The following SLC47A1 variants were observed in gnomAD, a reference collection of about 807,000 sequenced individuals.
SLC47A1 encodes the protein multidrug and toxin extrusion protein 1.
SLC47A1 carries 58 observed loss-of-function variants against 65.8 expected under a neutral mutation model. That is an observed-to-expected ratio of 0.88 (90% CI 0.71 to 1.10). SLC47A1 has a LOEUF of 1.10. Ranked by LOEUF, SLC47A1 falls within the 50% of genes least tolerant of loss-of-function variation. SLC47A1 has a pLI of 0.00. For missense variants in SLC47A1, 706 were observed against 719.2 expected (o/e 0.98, Z 0.21); for synonymous variants, 285 against 295.0 (o/e 0.97, Z 0.35).
At chr17:19,572,565 TCTCTC>T (rs1337533035) in intron 15 of SLC47A1, among the ~76,000 whole-genome samples, 14 of 152,048 alleles carry the variant, frequency 9.2e-5, no homozygotes, top group Non-Finnish European at 1.8e-4. Context: ...CAAGCAATCC[TCTCTC>T]CTCAGCCCCC....
At chr17:19,566,923 T>G (rs1423248738) in intron 13 of SLC47A1, 64 bp downstream of exon 13, 11 of 1,596,728 alleles carry the variant, frequency 6.9e-6, no homozygotes, top group Non-Finnish European at 9.4e-6. Flanking sequence ...AAATTTCAGC[T>G]GAGAGGAGGG....
chr17:19,578,585 G>T lies in SLC47A1; in HGVS notation c.*1032G>T, dbSNP rs1054511709. On this transcript the variant is annotated 3_prime_UTR_variant, in exon 17 of 17. Coordinates refer to ENST00000270570, the MANE Select transcript of SLC47A1 (RefSeq NM_018242.3). ...GGGTGCGGTACACACCGTTAATTCA[G>T]CAACCCTCAGTACATACTAAGTATG... The T allele has an allele frequency of 1.3e-5, 2 of 155,002 alleles. No individual in the cohort carries two copies. The highest frequency in any genetic ancestry group is 2.9e-5 in the Non-Finnish European group (2 of 69,988). 9.6% of individuals were successfully genotyped at this position (155,002 alleles called of 1,614,324 possible). A position where few individuals can be genotyped will look rare whatever the true frequency, so the allele number is the denominator to read the frequency against.
rs1049345182 is a variant in SLC47A1, at chr17:19,546,488, C to T, written c.291C>T (p.Asp97=). The T allele has an allele frequency of 6.2e-7, 1 of 1,613,640 alleles. No individual in the cohort carries two copies. The highest frequency in any genetic ancestry group is 1.3e-5 in the African/African-American group (1 of 74,870). The part of the protein sequence containing the change: ...SVGFGLSSAC[D]TLISQTYGSQ... Reference sequence around the variant, plus strand: ...GATTCGGCTTATCTTCTGCCTGTGACACCCTCATCTCCCAGGTAAATGGAA... The same window carrying T: ...GATTCGGCTTATCTTCTGCCTGTGATACCCTCATCTCCCAGGTAAATGGAA... The change falls in exon 3 of 17, where the codon GAC becomes GAT. Residue 97 remains aspartate (D), a synonymous_variant. Coordinates refer to ENST00000270570, the MANE Select transcript of SLC47A1 (RefSeq NM_018242.3).
intron 2 of SLC47A1, among the ~76,000 whole-genome samples, chr17:19,546,112 C>T (rs1380606615): frequency 1.3e-5 from 2 of 151,966 alleles, no homozygotes; most frequent in East Asian, 3.9e-4. Flanking sequence ...CCCAGCTACT[C>T]GGGAGGCTGA....
Position 19,555,804 on chromosome 17 carries a change from C to G in SLC47A1, c.748C>G (p.Leu250Val), listed in dbSNP as rs754220258. ...GTGTGTCCCCCCCACAGGCTGGTCC[C>G]TCGAGTGCCTGCAGGACTGGGCCTC... Reference protein sequence around the residue: ...LHQATWGGWSLECLQDWASFL... With the variant: ...LHQATWGGWSVECLQDWASFL... The change falls in exon 9 of 17, where the codon CTC becomes GTC. Residue 250 changes from leucine (L) to valine (V), a missense_variant. Leu to Val is a conservative substitution (Grantham distance 32). Transcript: ENST00000270570. The G allele has an allele frequency of 6.2e-7, 1 of 1,613,606 alleles. No individual in the cohort carries two copies. The highest frequency in any genetic ancestry group is 8.5e-7 in the Non-Finnish European group (1 of 1,180,026).
chr17:19,574,143 G>T (rs1482429716), intron 16 of SLC47A1, among the ~76,000 whole-genome samples: 1 of 151,468 alleles, frequency 6.6e-6, no homozygotes, highest in African/African-American at 2.4e-5. Context: ...GGCTGGTCTC[G>T]AACTCCTGAC....
chr17:19,572,537 GC>G (rs1404485801), intron 15 of SLC47A1, among the ~76,000 whole-genome samples: 1 of 151,986 alleles, frequency 6.6e-6, no homozygotes, highest in African/African-American at 2.4e-5. Flanking sequence ...GCGCAGGCTG[GC>G]CTTGAATTCC....
intron 13 of SLC47A1, 103 bp from the exon 14 acceptor site, chr17:19,566,993 A>G (rs1409985948): frequency 1.3e-6 from 2 of 1,595,676 alleles, no homozygotes; most frequent in Non-Finnish European, 1.7e-6. Context: ...GGATACTGTC[A>G]CCTTACCATG....
At position 19,577,492 on chromosome 17, in the gene SLC47A1, T is replaced by C. The variant is rs1567580281; in HGVS notation, c.1652T>C (p.Leu551Pro). The part of the protein sequence containing the change: ...QLVLRRGLLL[L>P]GVFLILLVGI... ...GTGCTGCGGCGAGGGCTTCTGCTCCTGGGGGTCTTCTTAATCTTGCTGGTG... is the reference window on the plus strand; with the variant it reads ...GTGCTGCGGCGAGGGCTTCTGCTCCCGGGGGTCTTCTTAATCTTGCTGGTG... The change falls in exon 17 of 17, where the codon CTG becomes CCG. Residue 551 changes from leucine (L) to proline (P), a missense_variant. Leu to Pro is a moderately conservative substitution (Grantham distance 98, BLOSUM62 -3). Transcript: ENST00000270570. 2 of 1,614,170 alleles carry C rather than the reference T, an allele frequency of 1.2e-6. No homozygotes were observed. The highest frequency in any genetic ancestry group is 1.7e-5 in the Admixed American group (1 of 60,026).
intron 14 of SLC47A1, among the ~76,000 whole-genome samples, chr17:19,570,089 G>A (rs2084388115): frequency 6.6e-6 from 1 of 152,134 alleles, no homozygotes; most frequent in Non-Finnish European, 1.5e-5. Context: ...TCCAGCCTGG[G>A]CAACAGAGCA....
chr17:19,575,401 CTTTT>C (rs1215041320), intron 16 of SLC47A1, among the ~76,000 whole-genome samples: 1 of 137,164 alleles, frequency 7.3e-6, no homozygotes, highest in African/African-American at 2.7e-5. Flanking sequence ...ATTATTATTC[CTTTT>C]TTTTTTTTTT....
At chr17:19,553,817 C>T (rs1045638232) in intron 6 of SLC47A1, among the ~76,000 whole-genome samples, 5 of 152,218 alleles carry the variant, frequency 3.3e-5, no homozygotes, top group African/African-American at 1.2e-4. Flanking sequence ...GCTGGGATTA[C>T]AGGCGTGACC....
In SLC47A1 at chr17:19,560,462, G is replaced by T. The variant is rs1443468259; in HGVS notation, c.1075G>T (p.Asp359Tyr). Residue 359 changes from aspartate to tyrosine, a missense_variant, in exon 12 of 17, where the codon GAT becomes TAT. By Grantham distance (160) the Asp-to-Tyr change is radical (BLOSUM62 -3). Transcript: ENST00000270570. ...AFSVLLLSCKDHVGYIFTTDR... is the reference protein window; with the variant it reads ...AFSVLLLSCKYHVGYIFTTDR... ...CAGTGTCCTGCTGTTAAGCTGTAAGGATCACGTGGGGTACATTTTTACTAC... is the reference window on the plus strand; with the variant it reads ...CAGTGTCCTGCTGTTAAGCTGTAAGTATCACGTGGGGTACATTTTTACTAC... The T allele has an allele frequency of 2.1e-5, 34 of 1,614,060 alleles. No homozygotes were observed. The highest frequency in any genetic ancestry group is 2.5e-5 in the Non-Finnish European group (30 of 1,180,052).
At chr17:19,572,893 G>T (rs778646024) in intron 16 of SLC47A1, 32 bp downstream of exon 16, 22 of 1,598,786 alleles carry the variant, frequency 1.4e-5, no homozygotes, top group Middle Eastern at 1.7e-4. Flanking sequence ...CCTTGGACAG[G>T]CCTGTCTAGG....
chr17:19,553,807 G>A (rs913184814), intron 6 of SLC47A1, among the ~76,000 whole-genome samples: 1 of 152,186 alleles, frequency 6.6e-6, no homozygotes, highest in South Asian at 2.1e-4. Flanking sequence ...CTCCCAAAGT[G>A]CTGGGATTAC....
At chr17:19,550,043 C>G (rs536299437) in intron 5 of SLC47A1, among the ~76,000 whole-genome samples, 6 of 152,348 alleles carry the variant, frequency 3.9e-5, no homozygotes, top group Admixed American at 3.3e-4. Flanking sequence ...TTTGACCACA[C>G]AGAACCTTAA....
intron 10 of SLC47A1, among the ~76,000 whole-genome samples, chr17:19,558,804 T>C (rs554901397): frequency 6.6e-6 from 1 of 152,306 alleles, no homozygotes; most frequent in South Asian, 2.1e-4. Flanking sequence ...GTCAAGTTAC[T>C]ACCTTTCCCT....
At chr17:19,552,339 G>A (rs186948921) in intron 6 of SLC47A1, among the ~76,000 whole-genome samples, 151 of 152,272 alleles carry the variant, frequency 9.9e-4, no homozygotes, top group Admixed American at 1.8e-3. Flanking sequence ...CACTGCATCC[G>A]GCCAGGATAT....
intron 7 of SLC47A1, 96 bp from the exon 8 acceptor site, chr17:19,555,497 G>A (rs1281684435): frequency 7.2e-7 from 1 of 1,381,568 alleles, no homozygotes; most frequent in South Asian, 1.2e-5. Flanking sequence ...GCCTGCTGAG[G>A]ACAGCACGGG....
Sources: gnomAD v4.1 joint callset for allele counts (sites outside exome capture counted in the v4.1 genomes callset) on GRCh38, gnomAD v4.1.1 for gene constraint, MANE v1.5 for transcripts, NCBI Gene and HGNC (gene_info 2026-07-23, HGNC 2026-07-21) for gene names.